OSBPL10: variants seen among roughly 807,000 people sequenced by gnomAD.
The protein encoded by OSBPL10 is oxysterol-binding protein-related protein 10.
A neutral mutation model predicts 81.7 loss-of-function variants in OSBPL10; 49 were observed. The ratio of observed to expected loss-of-function variants is 0.60; its 90% CI spans 0.48 to 0.76. The LOEUF (loss-of-function observed/expected upper bound fraction) is 0.76, where lower values mean the gene tolerates loss of function less well. OSBPL10 is among the 30% of genes least tolerant of loss of function. The pLI, the probability that OSBPL10 is intolerant of heterozygous loss-of-function variation, is 0.00. For synonymous variants in OSBPL10, 419 were observed against 383.6 expected (o/e 1.09, Z -1.08); for missense variants, 923 against 987.8 (o/e 0.93, Z 0.88).
rs112201070 is a variant in OSBPL10, at chr3:31,753,431, C to T, written c.730-5311G>A. ...AACTCCTGACCTCAGGTGATCTGCC[C>T]GCCGCAGCCTCACAAAGTGCTGGGA... is the stretch of plus-strand genomic sequence containing the variant. On this transcript the variant is annotated intron_variant, in intron 4 of 11. Coordinates refer to ENST00000396556, the MANE Select transcript of OSBPL10 (RefSeq NM_017784.5). Among the ~76,000 whole-genome samples the T allele has an allele frequency of 4.9e-3, 738 of 152,162 alleles. 5 individuals are homozygous for T. Among genetic ancestry groups the T allele is most frequent in the African/African-American group, 0.017 (696 of 41,512 alleles).
chr3:31,870,558 G>A (rs1374712528), intron 3 of OSBPL10, among the ~76,000 whole-genome samples: 3 of 152,270 alleles, frequency 2.0e-5, no homozygotes, highest in Non-Finnish European at 2.9e-5. Context: ...GGGATCCACT[G>A]GGTGAAGCCA....
intron 7 of OSBPL10, among the ~76,000 whole-genome samples, chr3:31,693,390 C>T (rs1695614895): frequency 1.3e-5 from 2 of 152,190 alleles, no homozygotes; most frequent in African/African-American, 2.4e-5. Flanking sequence ...ATATCATCAC[C>T]TATAACATCA....
intron 4 of OSBPL10, among the ~76,000 whole-genome samples, chr3:31,804,059 T>G (rs1699463685): frequency 6.6e-6 from 1 of 152,202 alleles, no homozygotes; most frequent in African/African-American, 2.4e-5. Flanking sequence ...TCACCTAACA[T>G]TAGTGTACAT....
At chr3:32,074,291 A>G (rs891731930) in intron 1 of OSBPL10, among the ~76,000 whole-genome samples, 1 of 152,044 alleles carries the variant, frequency 6.6e-6, no homozygotes, top group East Asian at 1.9e-4. Flanking sequence ...CCTTATGTCA[A>G]TTCCACGCCC....
chr3:31,731,004 T>A (rs1696956397), intron 6 of OSBPL10, among the ~76,000 whole-genome samples: 1 of 152,230 alleles, frequency 6.6e-6, no homozygotes, highest in Non-Finnish European at 1.5e-5. Flanking sequence ...GAATTTCACT[T>A]CATTCTATAT....
At chr3:31,780,495 A>C (rs576149443) in intron 4 of OSBPL10, among the ~76,000 whole-genome samples, 44 of 152,182 alleles carry the variant, frequency 2.9e-4, no homozygotes, top group African/African-American at 9.9e-4. Flanking sequence ...AAATTGAAAA[A>C]AAAAATACAA....
At chr3:31,717,590 A>G (rs1559431357) in intron 6 of OSBPL10, among the ~76,000 whole-genome samples, 1 of 152,194 alleles carries the variant, frequency 6.6e-6, no homozygotes, top group Admixed American at 6.5e-5. Context: ...TAAAGCTGCA[A>G]TCTCTAAATC....
chr3:31,837,959 T>C (rs2125547235), intron 3 of OSBPL10, among the ~76,000 whole-genome samples: 1 of 152,304 alleles, frequency 6.6e-6, no homozygotes, highest in South Asian at 2.1e-4. Flanking sequence ...TTCTCTCTAA[T>C]TAGCTTTATA....
At chr3:31,714,088 C>T (rs1359170772) in intron 6 of OSBPL10, 2 of 152,124 alleles carry the variant, frequency 1.3e-5, no homozygotes, top group African/African-American at 2.4e-5. Flanking sequence ...AAGTAAGCAA[C>T]GATATGATTG....
At chr3:31,804,175 A>T (rs1699467229) in intron 4 of OSBPL10, among the ~76,000 whole-genome samples, 1 of 152,186 alleles carries the variant, frequency 6.6e-6, no homozygotes, top group South Asian at 2.1e-4. Flanking sequence ...ATTTTAAGGA[A>T]GAGCTTTTAC....
At chr3:32,002,184 C>T (rs1427735279) in intron 2 of OSBPL10, among the ~76,000 whole-genome samples, 1 of 152,128 alleles carries the variant, frequency 6.6e-6, no homozygotes, top group African/African-American at 2.4e-5. Flanking sequence ...GCCCATTCAA[C>T]AGAAATTGCT....
chr3:31,816,351 G>C (rs971055166), intron 4 of OSBPL10, among the ~76,000 whole-genome samples: 2 of 152,190 alleles, frequency 1.3e-5, no homozygotes, highest in African/African-American at 4.8e-5. Flanking sequence ...CTACGTCAGA[G>C]ACAAGCTCTG....
chr3:31,889,624 A>C (rs1427332029), intron 1 of OSBPL10, among the ~76,000 whole-genome samples: 1 of 152,126 alleles, frequency 6.6e-6, no homozygotes, highest in East Asian at 1.9e-4. Flanking sequence ...CCTAGAAATA[A>C]AAAGTAGAAT....
At chr3:31,820,830 C>A (rs1368431870) in intron 4 of OSBPL10, among the ~76,000 whole-genome samples, 1 of 152,050 alleles carries the variant, frequency 6.6e-6, no homozygotes, top group Non-Finnish European at 1.5e-5. Context: ...GCTTTTTAAA[C>A]CTAATCTATA....
intron 2 of OSBPL10, among the ~76,000 whole-genome samples, chr3:31,996,389 G>T (rs1195473983): frequency 6.6e-6 from 1 of 152,144 alleles, no homozygotes; most frequent in Non-Finnish European, 1.5e-5. Context: ...ATATGATTGT[G>T]GGTTGTTTCA....
chr3:31,989,056 A>G (rs1050172848), intron 2 of OSBPL10: 6 of 1,613,364 alleles, frequency 3.7e-6, no homozygotes, highest in Non-Finnish European at 5.1e-6. Flanking sequence ...GTCACACTGC[A>G]GCACTATTGA....
At chr3:31,868,250 A>C (rs553670492) in intron 3 of OSBPL10, among the ~76,000 whole-genome samples, 10 of 152,272 alleles carry the variant, frequency 6.6e-5, no homozygotes, top group Admixed American at 6.5e-4. Context: ...CATATAGGTA[A>C]TATTCATAAT....
At chr3:31,669,094 A>G (rs1700265246) in intron 9 of OSBPL10, among the ~76,000 whole-genome samples, 1 of 152,210 alleles carries the variant, frequency 6.6e-6, no homozygotes, top group Non-Finnish European at 1.5e-5. Flanking sequence ...CAATTGTGAT[A>G]AACAGATATC....
At chr3:32,076,043 C>T (rs544430278) in intron 1 of OSBPL10, among the ~76,000 whole-genome samples, 1 of 152,236 alleles carries the variant, frequency 6.6e-6, no homozygotes, top group South Asian at 2.1e-4. Flanking sequence ...AAACATTGCT[C>T]CTAACTCCAC....
Sources: allele counts gnomAD v4.1 joint callset (sites outside exome capture counted in the v4.1 genomes callset), GRCh38; gene constraint gnomAD v4.1.1; transcripts MANE v1.5; gene names NCBI Gene and HGNC (gene_info 2026-07-23, HGNC 2026-07-21).